RPAP1: variants seen among roughly 807,000 people sequenced by gnomAD.
RPAP1 encodes the protein RNA polymerase II associated protein 1.
Under a neutral mutation model 142.4 loss-of-function variants are expected in RPAP1, and 109 were observed. That is an observed-to-expected ratio of 0.77 (90% CI 0.66 to 0.90). RPAP1 has a LOEUF of 0.90. Ranked by LOEUF, RPAP1 falls within the 40% of genes least tolerant of loss-of-function variation. The probability of loss-of-function intolerance (pLI) is 0.00; values close to 1 mark genes in which losing one functional copy is unlikely to be tolerated. For synonymous variants in RPAP1, 704 were observed against 738.9 expected, an observed-to-expected ratio of 0.95 and a Z score of 0.77; for missense variants, 1,546 against 1,751.7, an observed-to-expected ratio of 0.88 and a Z score of 2.10.
intron 17 of RPAP1, 61 bp downstream of exon 17, chr15:41,523,710 G>A: frequency 2.1e-6 from 3 of 1,404,900 alleles, no homozygotes; most frequent in Non-Finnish European, 2.0e-6. Context: ...GGAGCAACGG[G>A]TGGAATGTAG....
intron 6 of RPAP1, among the ~76,000 whole-genome samples, chr15:41,534,292 C>T (rs925677139): frequency 1.3e-5 from 2 of 151,556 alleles, no homozygotes; most frequent in Non-Finnish European, 2.9e-5. Flanking sequence ...GTGGCAGATG[C>T]GTGTAATTCC....
At chr15:41,539,439 C>T (rs1428867554) in intron 1 of RPAP1, among the ~76,000 whole-genome samples, 7 of 152,088 alleles carry the variant, frequency 4.6e-5, no homozygotes, top group Non-Finnish European at 7.4e-5. Context: ...GGATTACAGG[C>T]GCCCACCACC....
Position 41,525,129 on chromosome 15 carries a change from C to A in RPAP1, c.1937G>T (p.Arg646Leu). 1.9e-6 allele frequency: 3 copies of A among 1,611,624 alleles called. No homozygotes were observed. The South Asian group carries it at 3.3e-5, about 18-fold the overall frequency. ...AARLLSSFDL[R>L]SRLCRIIAEA... ...AGCTATGATGCGGCACAGGCGGCTC[C>A]GGAGATCAAAGCTGCTCAACTGGAA... Residue 646 changes from arginine to leucine, a missense_variant, in exon 15 of 25, where the codon CGG becomes CTG. This residue lies in a region of RPAP1 where 1,333 missense variants were observed against 1,486.6 expected (regional missense o/e 0.90). Transcript: ENST00000304330.
intron 6 of RPAP1, among the ~76,000 whole-genome samples, chr15:41,532,954 G>C (rs1405996601): frequency 8.5e-6 from 1 of 117,530 alleles, no homozygotes; most frequent in Non-Finnish European, 1.6e-5. Flanking sequence ...ACTCCACCCA[G>C]GACAACAGAG....
At chr15:41,524,521 G>A (rs2051768700) in intron 15 of RPAP1, among the ~76,000 whole-genome samples, 1 of 147,618 alleles carries the variant, frequency 6.8e-6, no homozygotes, top group African/African-American at 2.5e-5. Flanking sequence ...AGGCTGGAGT[G>A]CAGTGGAGTG....
At chr15:41,525,844 C>T (rs1463718247) in intron 14 of RPAP1, among the ~76,000 whole-genome samples, 1 of 151,840 alleles carries the variant, frequency 6.6e-6, no homozygotes, top group Admixed American at 6.6e-5. Flanking sequence ...TTAGTAGAGA[C>T]AGGGTTTCAC....
intron 17 of RPAP1, 73 bp from the exon 18 acceptor site, chr15:41,523,427 A>G: frequency 3.0e-6 from 3 of 991,218 alleles, no homozygotes; most frequent in Middle Eastern, 4.3e-4. Flanking sequence ...ACCCAGGCCA[A>G]TGCCACCATC....
chr15:41,524,092 C>A lies in RPAP1; in HGVS notation c.2234+4G>T. 1 of 1,590,020 alleles carries A rather than the reference C, an allele frequency of 6.3e-7. No homozygotes were observed. The highest frequency in any genetic ancestry group is 1.1e-5 in the South Asian group (1 of 87,320). ...CTGTCCTGTGGGTCCTGGCTATAAA[C>A]TACCTGATGGTTTCAGCAGGGGTAC... On this transcript the variant is annotated splice_donor_region_variant and intron_variant, in intron 16 of 24. Transcript: ENST00000304330.
At chr15:41,522,718 C>T (rs776116556) in intron 19 of RPAP1, 47 bp downstream of exon 19, 10 of 1,054,080 alleles carry the variant, frequency 9.5e-6, no homozygotes, top group Non-Finnish European at 1.2e-5. Flanking sequence ...CTGATTCCTG[C>T]CATCTTGGCC....
At chr15:41,536,734 T>C in intron 2 of RPAP1, 85 bp from the exon 3 acceptor site, 1 of 1,518,010 alleles carries the variant, frequency 6.6e-7, no homozygotes, top group Non-Finnish European at 8.9e-7. Context: ...ACAGCTGCCA[T>C]GGGGCCCTGG....
In RPAP1 at chr15:41,517,602, A is replaced by G; in HGVS notation, c.4122T>C (p.Arg1374=). The G allele has an allele frequency of 6.2e-7, 1 of 1,609,948 alleles. No homozygotes were observed. The highest frequency in any genetic ancestry group is 8.5e-7 in the Non-Finnish European group (1 of 1,177,792). The change falls in exon 25 of 25, where the codon CGT becomes CGC. Residue 1374 remains arginine, a synonymous_variant. Transcript: ENST00000304330. ...AAGTCAGTCTCTGGAGGTAGTGCTGACGCAGAGGGGGCAACTGAGAATAGA... is the reference window on the plus strand; with the variant it reads ...AAGTCAGTCTCTGGAGGTAGTGCTGGCGCAGAGGGGGCAACTGAGAATAGA... ...FELYSQLPPL[R]QHYLQRLTST... is the part of the protein sequence containing the mutation.
rs1373352581 is a variant in RPAP1, at chr15:41,528,275, C to G, written c.1220G>C (p.Arg407Thr). The change falls in exon 10 of 25, where the codon AGA becomes ACA. Residue 407 changes from arginine (R) to threonine (T), a missense_variant. By Grantham distance (71) the Arg-to-Thr change is moderately conservative. Coordinates refer to ENST00000304330, the MANE Select transcript of RPAP1 (RefSeq NM_015540.4). ...HLTRSQVSQQ[R>T]ALALHVLAQV... ...GGCTAACACATGCAGTGCCAGTGCT[C>G]TCTGCTGGGAAACCTGGCTGCGGGT... The G allele has an allele frequency of 1.9e-6, 3 of 1,609,014 alleles. No individual in the cohort carries two copies. The East Asian group carries it at 6.7e-5, about 36-fold the overall frequency.
At chr15:41,529,370 T>A in intron 9 of RPAP1, 100 bp downstream of exon 9, 1 of 766,862 alleles carries the variant, frequency 1.3e-6, no homozygotes. Context: ...AGGCATGAAC[T>A]AGAACAGGGC....
Position 41,518,757 on chromosome 15 carries a change from C to T in RPAP1, c.3796-575G>A, listed in dbSNP as rs565303511. Among the ~76,000 whole-genome samples the T allele has an allele frequency of 1.7e-3, 255 of 151,922 alleles. 2 individuals are homozygous for T. The highest frequency in any genetic ancestry group is 9.0e-4 in the Non-Finnish European group (61 of 67,970). On this transcript the variant is annotated intron_variant, in intron 22 of 24. Coordinates refer to ENST00000304330, the MANE Select transcript of RPAP1 (RefSeq NM_015540.4). ...ACTCAGGAGGTTGAGGCAGGAGAAT[C>T]GCTTGAACCTGGGAGCTAGAGGTTG...
At position 41,531,111 on chromosome 15, in the gene RPAP1, G is replaced by A; in HGVS notation, c.855C>T (p.Pro285=). 1 of 1,614,014 alleles carries A rather than the reference G, an allele frequency of 6.2e-7. No individual in the cohort carries two copies. Among genetic ancestry groups the A allele is most frequent in the Non-Finnish European group, 8.5e-7 (1 of 1,179,978 alleles). Reference sequence around the variant, plus strand: ...GTTCCTCCTTGGTGACATTAGCAGAGGGTCCTCCTGGCCTCTGCTCCTCAG... The same window carrying A: ...GTTCCTCCTTGGTGACATTAGCAGAAGGTCCTCCTGGCCTCTGCTCCTCAG... ...TASEEQRPGG[P]SANVTKEEPL... The change falls in exon 7 of 25, where the codon CCC becomes CCT. Residue 285 remains proline, a synonymous_variant. Transcript: ENST00000304330.
chr15:41,531,126 C>T lies in RPAP1; in HGVS notation c.840G>A (p.Gln280=). The T allele has an allele frequency of 6.2e-7, 1 of 1,614,088 alleles. No individual in the cohort carries two copies. The highest frequency in any genetic ancestry group is 2.2e-5 in the East Asian group (1 of 44,862). The change falls in exon 7 of 25, where the codon CAG becomes CAA. Residue 280 remains glutamine, a synonymous_variant. Coordinates refer to ENST00000304330, the MANE Select transcript of RPAP1 (RefSeq NM_015540.4). ...CATTAGCAGAGGGTCCTCCTGGCCTCTGCTCCTCAGAGGCTGTCTCTCCTG... is the reference window on the plus strand; with the variant it reads ...CATTAGCAGAGGGTCCTCCTGGCCTTTGCTCCTCAGAGGCTGTCTCTCCTG... ...EQTGETASEE[Q]RPGGPSANVT... is the part of the protein sequence containing the mutation.
intron 18 of RPAP1, 21 bp downstream of exon 18, chr15:41,523,224 G>A (rs2051749170): frequency 6.8e-7 from 1 of 1,472,942 alleles, no homozygotes; most frequent in Non-Finnish European, 9.2e-7. Context: ...GCTTCCCCCA[G>A]CTACCAAACA....
intron 8 of RPAP1, 71 bp downstream of exon 8, chr15:41,529,793 G>A: frequency 8.7e-7 from 1 of 1,155,712 alleles, no homozygotes; most frequent in East Asian, 2.5e-5. Flanking sequence ...CCTGAGTTCT[G>A]AGGGCAAGAG....
intron 7 of RPAP1, 109 bp from the exon 8 acceptor site, chr15:41,530,088 C>T: frequency 1.3e-6 from 1 of 789,998 alleles, no homozygotes; most frequent in South Asian, 1.5e-5. Flanking sequence ...CCAGGATCTG[C>T]CAGCTTCTAC....
Sources: gnomAD v4.1 joint callset for allele counts (sites outside exome capture counted in the v4.1 genomes callset) on GRCh38, gnomAD v4.1.1 for gene constraint, gnomAD v4.1.1 regional missense constraint, MANE v1.5 for transcripts, NCBI Gene and HGNC (gene_info 2026-07-23, HGNC 2026-07-21) for gene names.